Variants in PTPRD observed in about 807,000 individuals in gnomAD.
The protein encoded by PTPRD is protein tyrosine phosphatase receptor type D.
PTPRD carries 34 observed loss-of-function variants against 214.5 expected under a neutral mutation model. The observed-to-expected ratio is 0.16, with a 90% CI of 0.12 to 0.21. The LOEUF (loss-of-function observed/expected upper bound fraction) is 0.21. Among genes scored for constraint, PTPRD ranks in the 10% least tolerant of loss-of-function variants. The pLI is 1.00. For synonymous variants in PTPRD, 1,128 were observed against 845.7 expected, an observed-to-expected ratio of 1.33 and a Z score of -5.79; for missense variants, 2,545 against 2,398.7, an observed-to-expected ratio of 1.06 and a Z score of -1.27.
chr9:9,457,137 G>C (rs1177602354), intron 8 of PTPRD, among the ~76,000 whole-genome samples: 1 of 151,886 alleles, frequency 6.6e-6, no homozygotes, highest in Non-Finnish European at 1.5e-5. Flanking sequence ...TGAAGTACAA[G>C]GGAGCAAAGG....
intron 10 of PTPRD, among the ~76,000 whole-genome samples, chr9:9,074,012 G>C (rs1041703912): frequency 1.3e-5 from 2 of 152,084 alleles, no homozygotes; most frequent in Non-Finnish European, 2.9e-5. Context: ...GAGATGTCAA[G>C]TGGGTAGCAT....
intron 11 of PTPRD, among the ~76,000 whole-genome samples, chr9:8,740,168 C>T (rs1377809485): frequency 6.6e-6 from 1 of 152,126 alleles, no homozygotes; most frequent in East Asian, 1.9e-4. Flanking sequence ...CGCCCAATCT[C>T]ATCTGATCAA....
rs116044992 is a variant in PTPRD, at chr9:8,742,445, G to T, written c.-103-8499C>A. ...CTATCATTTCTACATCAATATAACTGATTTTGTCATCTTTAAAAATCAAAA... is the reference window on the plus strand; with the variant it reads ...CTATCATTTCTACATCAATATAACTTATTTTGTCATCTTTAAAAATCAAAA... On this transcript the variant is annotated intron_variant, in intron 11 of 45. Coordinates refer to ENST00000381196, the MANE Select transcript of PTPRD (RefSeq NM_002839.4). 4.2e-3 allele frequency among the ~76,000 whole-genome samples: 643 copies of T among 152,226 alleles called. 3 individuals are homozygous for T. The highest frequency in any genetic ancestry group is 0.014 in the African/African-American group (580 of 41,548).
intron 8 of PTPRD, among the ~76,000 whole-genome samples, chr9:9,475,466 A>T (rs1329729212): frequency 2.6e-5 from 4 of 152,224 alleles, no homozygotes; most frequent in Non-Finnish European, 5.9e-5. Flanking sequence ...CCTAAAAAAG[A>T]TGAAGCAAAG....
At chr9:9,277,598 A>G (rs892612376) in intron 9 of PTPRD, among the ~76,000 whole-genome samples, 1 of 151,356 alleles carries the variant, frequency 6.6e-6, no homozygotes, top group African/African-American at 2.4e-5. Flanking sequence ...ATACACATCT[A>G]TCTGTGACCC....
chr9:8,769,475 C>T (rs138487494), intron 11 of PTPRD, among the ~76,000 whole-genome samples: 2 of 152,176 alleles, frequency 1.3e-5, no homozygotes, highest in Admixed American at 1.3e-4. Flanking sequence ...GTGATTTGGC[C>T]GAGGCAGTAG....
intron 5 of PTPRD, among the ~76,000 whole-genome samples, chr9:9,782,973 G>A (rs2098868485): frequency 6.6e-6 from 1 of 152,124 alleles, no homozygotes; most frequent in East Asian, 1.9e-4. Flanking sequence ...CCCAAATTAT[G>A]AAGTCATATA....
intron 5 of PTPRD, among the ~76,000 whole-genome samples, chr9:9,829,546 T>A (rs898732979): frequency 6.6e-6 from 1 of 151,956 alleles, no homozygotes; most frequent in African/African-American, 2.4e-5. Context: ...AGATTTTAAA[T>A]ATATGGATGG....
intron 3 of PTPRD, among the ~76,000 whole-genome samples, chr9:10,308,346 T>A (rs1207755665): frequency 6.6e-6 from 1 of 152,082 alleles, no homozygotes; most frequent in South Asian, 2.1e-4. Flanking sequence ...ATATTCTCAG[T>A]ATCTTTGCTA....
intron 8 of PTPRD, among the ~76,000 whole-genome samples, chr9:9,508,338 A>T (rs1375370726): frequency 6.6e-6 from 1 of 151,620 alleles, no homozygotes; most frequent in Non-Finnish European, 1.5e-5. Context: ...CAATTCTTTC[A>T]ACGCGTTGTT....
intron 35 of PTPRD, among the ~76,000 whole-genome samples, chr9:8,424,916 T>G (rs756954871): frequency 9.2e-5 from 14 of 152,210 alleles, no homozygotes; most frequent in Admixed American, 1.3e-4. Context: ...ATACTCTGAT[T>G]GCTGCATCTG....
intron 10 of PTPRD, among the ~76,000 whole-genome samples, chr9:9,177,729 T>C (rs1319063798): frequency 6.6e-6 from 1 of 152,026 alleles, no homozygotes; most frequent in East Asian, 1.9e-4. Flanking sequence ...TGTAAACAAA[T>C]CAATTTAAAA....
intron 2 of PTPRD, among the ~76,000 whole-genome samples, chr9:10,387,677 G>T (rs928142079): frequency 6.6e-5 from 10 of 151,414 alleles, no homozygotes; most frequent in Non-Finnish European, 1.5e-4. Context: ...TGAGAACTTG[G>T]TACATGACAA....
intron 2 of PTPRD, among the ~76,000 whole-genome samples, chr9:10,489,029 T>A (rs2099151118): frequency 6.6e-6 from 1 of 151,678 alleles, no homozygotes; most frequent in Non-Finnish European, 1.5e-5. Flanking sequence ...GTGGAAGGAG[T>A]CTTGCCCCAT....
chr9:8,964,192 G>GTTTTTTTTTTTT (rs71317391), intron 11 of PTPRD, among the ~76,000 whole-genome samples: 3 of 35,634 alleles, frequency 8.4e-5, no homozygotes, highest in African/African-American at 1.2e-4. Context: ...TCAGGGCTGT[G>GTTTTTTTTTTTT]TTTTTTTTTT....
chr9:9,554,985 T>C (rs1031495307), intron 8 of PTPRD, among the ~76,000 whole-genome samples: 1 of 152,086 alleles, frequency 6.6e-6, no homozygotes, highest in African/African-American at 2.4e-5. Flanking sequence ...TGATTTTGTC[T>C]AATGGGTTAG....
chr9:9,311,599 G>A (rs771705498), intron 9 of PTPRD, among the ~76,000 whole-genome samples: 18 of 152,088 alleles, frequency 1.2e-4, no homozygotes, highest in Non-Finnish European at 2.5e-4. Flanking sequence ...GAATTTAGAA[G>A]GATGCTTTCT....
chr9:10,591,511 T>C (rs1049398000), intron 2 of PTPRD, among the ~76,000 whole-genome samples: 1 of 152,014 alleles, frequency 6.6e-6, no homozygotes, highest in Non-Finnish European at 1.5e-5. Context: ...CTGCAGAATA[T>C]TTAAAACAAT....
Position 8,485,306 on chromosome 9 carries a change from T to C in PTPRD, c.3074A>G (p.His1025Arg). The C allele has an allele frequency of 1.2e-6, 2 of 1,614,034 alleles. No homozygotes were observed. The highest frequency in any genetic ancestry group is 2.2e-5 in the East Asian group (1 of 44,866). Residue 1025 changes from histidine to arginine, a missense_variant, in exon 29 of 46, where the codon CAT (histidine) becomes CGT (arginine). Transcript: ENST00000381196. ...GGAAGTCTTCATTACTGCTTTGACA[T>C]GAAAATTTTTTGCAAACACTGCTGG... ...PVDQVFAKNF[H>R]VKAVMKTSVL... is the part of the protein sequence containing the mutation.
Sources: allele counts gnomAD v4.1 joint callset (sites outside exome capture counted in the v4.1 genomes callset), GRCh38; gene constraint gnomAD v4.1.1; transcripts MANE v1.5; gene names NCBI Gene and HGNC (gene_info 2026-07-23, HGNC 2026-07-21).